APC: variants seen among roughly 807,000 people sequenced by gnomAD.
The protein encoded by APC is adenomatous polyposis coli protein.
Under a neutral mutation model 247.0 loss-of-function variants are expected in APC, and 72 were observed. The ratio of observed to expected loss-of-function variants is 0.29; its 90% CI spans 0.24 to 0.35. The LOEUF is 0.35. Among genes scored for constraint, APC ranks in the 10% least tolerant of loss-of-function variants. The pLI is 1.00. For synonymous variants in APC, 1,254 were observed against 1,162.5 expected (o/e 1.08, Z -1.60); for missense variants, 3,400 against 3,360.7 (o/e 1.01, Z -0.29).
chr5:112,755,712 T>G (rs1283455151), intron 2 of APC, among the ~76,000 whole-genome samples: 1 of 152,226 alleles, frequency 6.6e-6, no homozygotes, highest in African/African-American at 2.4e-5. Flanking sequence ...ATGTTCTGGT[T>G]TCAAAATAAT....
chr5:112,767,801 T>C (rs1561465857), intron 4 of APC, among the ~76,000 whole-genome samples: 1 of 151,728 alleles, frequency 6.6e-6, no homozygotes, highest in Non-Finnish European at 1.5e-5. Context: ...TGGCTAATTT[T>C]TGTATTTTTG....
intron 1 of APC, among the ~76,000 whole-genome samples, chr5:112,715,794 GGT>G (rs745490831): frequency 5.3e-5 from 8 of 151,976 alleles, no homozygotes; most frequent in Admixed American, 1.3e-4. Flanking sequence ...TGGGAGGAAA[GGT>G]TTTTAATTAT....
chr5:112,743,434 GA>G lies in APC; in HGVS notation c.-19+5511del, dbSNP rs371357005. Among the ~76,000 whole-genome samples the G allele has an allele frequency of 6.1e-3, 924 of 152,218 alleles. 7 individuals carry two copies. The highest frequency in any genetic ancestry group is 0.01 in the Middle Eastern group (3 of 294). ...TCTGGTTCTCCATTTTTTTTAAGCT[GA>G]AGGATTTTTTTAGTTATTTTTACTT... On this transcript the variant is annotated intron_variant, in intron 1 of 15. Coordinates refer to ENST00000257430, the MANE Select transcript of APC (RefSeq NM_000038.6).
chr5:112,710,227 C>T (rs928643534), intron 1 of APC, among the ~76,000 whole-genome samples: 1 of 152,186 alleles, frequency 6.6e-6, no homozygotes, highest in Non-Finnish European at 1.5e-5. Flanking sequence ...GGATATTGGT[C>T]AGTTTTTATG....
chr5:112,835,245 A>T, intron 15 of APC, 80 bp downstream of exon 15: 1 of 1,285,008 alleles, frequency 7.8e-7, no homozygotes, highest in Non-Finnish European at 1.1e-6. Flanking sequence ...AATGTTTTAT[A>T]TAATCATGAA....
rs1444245614 is a variant in APC, at chr5:112,821,904, C to A, written c.1321C>A (p.Pro441Thr). Reference protein sequence around the residue: ...MDQDKNPMPAPVEHQICPAVC... With the variant: ...MDQDKNPMPATVEHQICPAVC... ...TTGATTTTATTTTTCAGTGCCAGCT[C>A]CTGTTGAACATCAGATCTGTCCTGC... The change falls in exon 11 of 16, where the codon CCT becomes ACT. Residue 441 changes from proline (P) to threonine (T), a missense_variant. Coordinates refer to ENST00000257430, the MANE Select transcript of APC (RefSeq NM_000038.6). The A allele has an allele frequency of 1.9e-6, 3 of 1,612,296 alleles. No individual in the cohort carries two copies. Among genetic ancestry groups the A allele is most frequent in the Admixed American group, 1.7e-5 (1 of 59,946 alleles).
At chr5:112,825,740 A>G (rs1763595693) in intron 11 of APC, among the ~76,000 whole-genome samples, 1 of 152,212 alleles carries the variant, frequency 6.6e-6, no homozygotes, top group South Asian at 2.1e-4. Flanking sequence ...GTTTCAACTT[A>G]AACATTAAAA....
At chr5:112,741,957 C>A (rs1427092610) in intron 1 of APC, among the ~76,000 whole-genome samples, 1 of 152,178 alleles carries the variant, frequency 6.6e-6, no homozygotes, top group Non-Finnish European at 1.5e-5. Context: ...GTCAGAATTT[C>A]TTTCCTTTTT....
In APC at chr5:112,842,895, G is replaced by A. The variant is rs2149983889; in HGVS notation, c.7301G>A (p.Arg2434Lys). Residue 2434 changes from arginine (R) to lysine (K), a missense_variant, in exon 16 of 16, where the codon AGA (arginine) becomes AAA (lysine). Around this residue, in one of 9 missense-constraint regions of APC, gnomAD observed 1,788 missense variants for 1,649.5 expected, o/e 1.08. Transcript: ENST00000257430. ...GGAAGTGAATCTGATAGATCAGAAAGACCTGTATTAGTACGCCAGTCAACT... is the reference window on the plus strand; with the variant it reads ...GGAAGTGAATCTGATAGATCAGAAAAACCTGTATTAGTACGCCAGTCAACT... ...SSGSESDRSERPVLVRQSTFI... is the reference protein window; with the variant it reads ...SSGSESDRSEKPVLVRQSTFI... 1 of 1,614,066 alleles carries A rather than the reference G, an allele frequency of 6.2e-7. No homozygotes were observed.
chr5:112,719,644 C>T (rs532393884), intron 1 of APC, among the ~76,000 whole-genome samples: 1 of 151,750 alleles, frequency 6.6e-6, no homozygotes, highest in Non-Finnish European at 1.5e-5. Flanking sequence ...AGGCAATTCT[C>T]CTGTCTCAGC....
intron 1 of APC, among the ~76,000 whole-genome samples, chr5:112,744,158 T>C (rs1753364986): frequency 6.6e-6 from 1 of 152,116 alleles, no homozygotes; most frequent in South Asian, 2.1e-4. Flanking sequence ...CATATCTTTT[T>C]ATGAAACACA....
At chr5:112,790,503 G>A (rs1759457576) in intron 6 of APC, among the ~76,000 whole-genome samples, 1 of 151,980 alleles carries the variant, frequency 6.6e-6, no homozygotes, top group Admixed American at 6.6e-5. Context: ...ATTTCTTTTT[G>A]TATTTTTAGT....
intron 8 of APC, among the ~76,000 whole-genome samples, chr5:112,811,438 C>T (rs189712831): frequency 2.0e-4 from 30 of 152,320 alleles, no homozygotes; most frequent in African/African-American, 7.0e-4. Context: ...GAAGTTGGCT[C>T]AGGTCTAGCC....
chr5:112,713,573 G>T (rs899055482), intron 1 of APC, among the ~76,000 whole-genome samples: 4 of 152,152 alleles, frequency 2.6e-5, no homozygotes, highest in Admixed American at 6.5e-5. Flanking sequence ...TGACAGTATT[G>T]TATGGAGAAA....
rs764737975 is a variant in APC, at chr5:112,840,904, G to T, written c.5310G>T (p.Lys1770Asn). Residue 1770 changes from lysine to asparagine, a missense_variant, in exon 16 of 16, where the codon AAG (lysine) becomes AAT (asparagine). Lys to Asn is a moderately conservative substitution (Grantham distance 94, BLOSUM62 0). This residue lies in a region of APC where 1,788 missense variants were observed against 1,649.5 expected (regional missense o/e 1.08). Coordinates refer to ENST00000257430, the MANE Select transcript of APC (RefSeq NM_000038.6). This position sits in a 1 kb window ranked among gnomAD's most constrained non-coding sequence, Gnocchi z 4.1. ...PNKNQLDGKK[K>N]KPTSPVKPIP... Reference sequence around the variant, plus strand: ...AAAATCAGTTAGATGGTAAGAAAAAGAAACCAACTTCACCAGTAAAACCTA... The same window carrying T: ...AAAATCAGTTAGATGGTAAGAAAAATAAACCAACTTCACCAGTAAAACCTA... 3.7e-6 allele frequency: 6 copies of T among 1,613,822 alleles called. No homozygotes were observed. The highest frequency in any genetic ancestry group is 4.2e-6 in the Non-Finnish European group (5 of 1,179,778).
rs563801773 is a variant in APC at position 112,783,630 on chromosome 5, C to CAAA, written c.645+2743_645+2745dup. ...CAAGATAGCAAGACCCTGCCTCTAC[C>CAAA]AAAAAAAAAAAAAAAAAAGCTGAGT... On this transcript the variant is annotated intron_variant, in intron 6 of 15. Transcript: ENST00000257430. 1.5e-3 allele frequency: 124 copies of CAAA among 80,682 alleles called. 2 individuals are homozygous for CAAA. The highest frequency in any genetic ancestry group is 5.7e-3 in the African/African-American group (112 of 19,730). 5.0% of individuals were successfully genotyped at this position (80,682 alleles called of 1,614,324 possible).
rs1003613894 is a variant in APC, at chr5:112,842,054, C to G, written c.6460C>G (p.Gln2154Glu). 1.2e-6 allele frequency: 2 copies of G among 1,612,758 alleles called. No homozygotes were observed. The highest frequency in any genetic ancestry group is 1.7e-6 in the Non-Finnish European group (2 of 1,179,008). Reference protein sequence around the residue: ...LGSPFHLTPDQEEKPFTSNKG... With the variant: ...LGSPFHLTPDEEEKPFTSNKG... The stretch of plus-strand genomic sequence containing the variant: ...ATCACCATTTCATCTTACACCTGAT[C>G]AAGAAGAAAAACCCTTTACAAGTAA... Residue 2154 changes from glutamine to glutamate, a missense_variant, in exon 16 of 16, where the codon CAA becomes GAA. Around this residue, in one of 9 missense-constraint regions of APC, gnomAD observed 1,788 missense variants for 1,649.5 expected, o/e 1.08. Coordinates refer to ENST00000257430, the MANE Select transcript of APC (RefSeq NM_000038.6).
intron 1 of APC, among the ~76,000 whole-genome samples, chr5:112,742,304 C>A (rs146110264): frequency 6.6e-6 from 1 of 152,154 alleles, no homozygotes; most frequent in African/African-American, 2.4e-5. Context: ...CTCCAAATCC[C>A]GTTAACCACA....
intron 2 of APC, among the ~76,000 whole-genome samples, chr5:112,762,818 G>C (rs2149769893): frequency 6.6e-6 from 1 of 152,292 alleles, no homozygotes; most frequent in Middle Eastern, 3.4e-3. Context: ...TATGTGTGTT[G>C]TGCCTCAATA....
Sources: gnomAD v4.1 joint callset for allele counts (sites outside exome capture counted in the v4.1 genomes callset) on GRCh38, gnomAD v4.1.1 for gene constraint, gnomAD v4.1.1 regional missense constraint, Gnocchi (gnomAD v3.1) non-coding constraint, MANE v1.5 for transcripts, NCBI Gene and HGNC (gene_info 2026-07-23, HGNC 2026-07-21) for gene names.